The following BPI variants were observed in gnomAD, a reference collection of about 807,000 sequenced individuals.
BPI encodes bactericidal permeability-increasing protein.
BPI carries 48 observed loss-of-function variants against 57.6 expected under a neutral mutation model. The ratio of observed to expected loss-of-function variants is 0.83; its 90% CI spans 0.66 to 1.06. The LOEUF is 1.06. BPI is among the 50% of genes least tolerant of loss of function. BPI has a pLI of 0.00. For synonymous variants in BPI, 237 were observed against 238.2 expected (o/e 0.99, Z 0.05); for missense variants, 651 against 609.7 (o/e 1.07, Z -0.71).
chr20:38,326,836 C>T (rs1320412022), intron 10 of BPI, among the ~76,000 whole-genome samples: 4 of 152,186 alleles, frequency 2.6e-5, no homozygotes, highest in Non-Finnish European at 5.9e-5. Context: ...ATATGTTATA[C>T]ATTTTCTGAT....
chr20:38,334,571 A>G, intron 13 of BPI, 78 bp downstream of exon 13: 1 of 1,435,926 alleles, frequency 7.0e-7, no homozygotes, highest in Non-Finnish European at 9.8e-7. Flanking sequence ...GCCACCTGTT[A>G]CCTGGCCCCA....
chr20:38,323,304 C>T (rs1247621823), intron 7 of BPI, among the ~76,000 whole-genome samples: 1 of 152,094 alleles, frequency 6.6e-6, no homozygotes, highest in African/African-American at 2.4e-5. Context: ...TCTGCTTTTG[C>T]AACATATTGC....
intron 8 of BPI, 68 bp from the exon 9 acceptor site, chr20:38,324,706 A>C: frequency 7.4e-7 from 1 of 1,346,570 alleles, no homozygotes; most frequent in Non-Finnish European, 1.1e-6. Flanking sequence ...ACCCCGATAC[A>C]GAACTCACCC....
In BPI at chr20:38,336,011, C is replaced by A. The variant is rs5743547; in HGVS notation, c.1413+337C>A. Among the ~76,000 whole-genome samples, 336 of 152,256 alleles carry A rather than the reference C, an allele frequency of 2.2e-3. 2 individuals are homozygous for A. The highest frequency in any genetic ancestry group is 2.1e-3 in the Non-Finnish European group (140 of 68,016). On this transcript the variant is annotated intron_variant, in intron 14 of 14. Transcript: ENST00000642449. ...TATTTAACGAATATATGTTGCACAC[C>A]TTTTGCACCCAGCATCATACTAGGC...
chr20:38,326,127 CTG>C (rs1174501900), intron 9 of BPI, 136 bp from the exon 10 acceptor site: 10 of 921,592 alleles, frequency 1.1e-5, no homozygotes, highest in Admixed American at 3.1e-5. Context: ...AGCTGGCAGA[CTG>C]TGCAATCTTA....
chr20:38,315,035 G>T (rs2076645651), intron 5 of BPI, among the ~76,000 whole-genome samples: 1 of 152,130 alleles, frequency 6.6e-6, no homozygotes, highest in South Asian at 2.1e-4. Flanking sequence ...TGGTGATGAT[G>T]TTGGCCCATA....
intron 8 of BPI, 139 bp from the exon 9 acceptor site, chr20:38,324,635 G>C (rs1329579654): frequency 1.5e-6 from 1 of 670,064 alleles, no homozygotes; most frequent in Non-Finnish European, 2.7e-6. Context: ...CAGAATTTGT[G>C]GGTCAGTGCT....
intron 10 of BPI, among the ~76,000 whole-genome samples, chr20:38,327,381 G>A (rs1216133659): frequency 1.3e-5 from 2 of 152,200 alleles, no homozygotes; most frequent in Non-Finnish European, 2.9e-5. Flanking sequence ...GGTCCTGGAA[G>A]TAGAGAGAGA....
intron 12 of BPI, among the ~76,000 whole-genome samples, chr20:38,331,803 C>T (rs2122563128): frequency 6.7e-6 from 1 of 148,838 alleles, no homozygotes; most frequent in African/African-American, 2.5e-5. Flanking sequence ...GATCATGCTA[C>T]ACTGCACTCC....
chr20:38,336,026 T>A (rs2076765974), intron 14 of BPI, among the ~76,000 whole-genome samples: 1 of 152,194 alleles, frequency 6.6e-6, no homozygotes, highest in South Asian at 2.1e-4. Context: ...GCACCCAGCA[T>A]CATACTAGGC....
chr20:38,309,688 G>A (rs569923352), intron 3 of BPI, among the ~76,000 whole-genome samples: 3 of 152,218 alleles, frequency 2.0e-5, no homozygotes, highest in African/African-American at 7.2e-5. Context: ...AATGGCAAGG[G>A]TATGAATGCA....
chr20:38,318,324 G>A (rs919250149), intron 5 of BPI, 89 bp from the exon 6 acceptor site: 1 of 1,390,912 alleles, frequency 7.2e-7, no homozygotes, highest in Non-Finnish European at 1.0e-6. Context: ...AAACATTCAA[G>A]GAAAGCAAGG....
chr20:38,317,168 G>A (rs1421099071), intron 5 of BPI, among the ~76,000 whole-genome samples: 2 of 152,140 alleles, frequency 1.3e-5, no homozygotes, highest in Non-Finnish European at 1.5e-5. Flanking sequence ...GGAGAGGGAG[G>A]GAAGGAGCTT....
chr20:38,327,644 C>A lies in BPI; in HGVS notation c.1218C>A (p.Leu406=). The stretch of plus-strand genomic sequence containing the variant: ...AGTCCAACAGGCTTGTTGGAGAGCT[C>A]AAGCTGGATAGGTAAGTGGGCCTGT... ...SAESNRLVGE[L]KLDRLLLELK... Residue 406 remains leucine, a synonymous_variant, in exon 11 of 15, where the codon CTC becomes CTA. Transcript: ENST00000642449. 1 of 1,613,612 alleles carries A rather than the reference C, an allele frequency of 6.2e-7. No individual in the cohort carries two copies. Among genetic ancestry groups the A allele is most frequent in the South Asian group, 1.1e-5 (1 of 91,058 alleles).
intron 3 of BPI, 57 bp downstream of exon 3, chr20:38,309,115 T>C (rs1263862510): frequency 1.9e-6 from 3 of 1,608,604 alleles, no homozygotes; most frequent in Non-Finnish European, 2.6e-6. Context: ...TTGGACGGGA[T>C]TAGAGAGTCA....
At chr20:38,327,537 C>A (rs758742697) in intron 10 of BPI, 51 bp from the exon 11 acceptor site, 4 of 1,604,068 alleles carry the variant, frequency 2.5e-6, no homozygotes, top group South Asian at 2.2e-5. Context: ...GGAGGCCTTG[C>A]AATCAGGTGC....
chr20:38,326,523 G>A (rs1356280426), intron 10 of BPI, 91 bp downstream of exon 10: 7 of 1,408,742 alleles, frequency 5.0e-6, no homozygotes, highest in Non-Finnish European at 6.6e-6. Context: ...AATCCTGTCT[G>A]GATTCAAACC....
intron 12 of BPI, 117 bp downstream of exon 12, chr20:38,331,207 G>C: frequency 7.8e-7 from 1 of 1,285,698 alleles, no homozygotes; most frequent in East Asian, 2.3e-5. Context: ...CATTTAATTT[G>C]GTTGTGAATT....
chr20:38,306,700 A>G (rs2076598315), intron 1 of BPI, among the ~76,000 whole-genome samples: 1 of 152,192 alleles, frequency 6.6e-6, no homozygotes, highest in Non-Finnish European at 1.5e-5. Context: ...CAAAACCCAG[A>G]GAGGTGGGAG....
Sources: gnomAD v4.1 joint callset for allele counts (sites outside exome capture counted in the v4.1 genomes callset) on GRCh38, gnomAD v4.1.1 for gene constraint, MANE v1.5 for transcripts, NCBI Gene and HGNC (gene_info 2026-07-23, HGNC 2026-07-21) for gene names.